ACTL8: variants seen among roughly 807,000 people sequenced by gnomAD.
ACTL8 encodes actin-like protein 8.
In ACTL8, 3 loss-of-function variants were observed where a neutral mutation model predicts 9.3. The observed-to-expected ratio is 0.32, with a 90% CI of 0.15 to 0.83. The LOEUF (loss-of-function observed/expected upper bound fraction) is 0.83, where lower values mean the gene tolerates loss of function less well. ACTL8 is among the 40% of genes least tolerant of loss of function. The probability of loss-of-function intolerance (pLI) is 0.57; values close to 1 mark genes in which losing one functional copy is unlikely to be tolerated. For synonymous variants in ACTL8, 224 were observed against 205.9 expected (o/e 1.09, Z -0.75); for missense variants, 381 against 492.2 (o/e 0.77, Z 2.14).
chr1:17,805,734 A>G lies in ACTL8; in HGVS notation c.-24-17251A>G, dbSNP rs76521550. Among the ~76,000 whole-genome samples the G allele has an allele frequency of 8.9e-3, 1,353 of 152,240 alleles. 17 individuals carry two copies. The highest frequency in any genetic ancestry group is 0.028 in the African/African-American group (1,154 of 41,530). On this transcript the variant is annotated intron_variant, in intron 1 of 2. Transcript: ENST00000375406. ...ACATGCATACACACCCTCCACTCCA[A>G]TGTCAGCTTCCTTAGGGCAGCCACT...
intron 1 of ACTL8, among the ~76,000 whole-genome samples, chr1:17,820,497 G>A (rs1023891194): frequency 9.2e-5 from 14 of 151,876 alleles, no homozygotes; most frequent in African/African-American, 3.4e-4. Flanking sequence ...TTGTGTGAAC[G>A]TACGTTTTCA....
intron 1 of ACTL8, among the ~76,000 whole-genome samples, chr1:17,786,661 C>G (rs77625704): frequency 0.056 from 8,466 of 152,190 alleles, 653 homozygotes; most frequent in Admixed American, 0.2. Context: ...ACCTTCTTTA[C>G]GTACATATGC....
intron 1 of ACTL8, among the ~76,000 whole-genome samples, chr1:17,798,916 A>G (rs2066298322): frequency 6.6e-6 from 1 of 152,178 alleles, no homozygotes; most frequent in African/African-American, 2.4e-5. Flanking sequence ...CTTGTTTTAC[A>G]TCTTTACCAT....
intron 1 of ACTL8, among the ~76,000 whole-genome samples, chr1:17,765,624 T>G (rs1166035317): frequency 6.6e-6 from 1 of 152,148 alleles, no homozygotes; most frequent in Admixed American, 6.5e-5. Flanking sequence ...GAGCCCTGGC[T>G]CCATTCCACA....
chr1:17,817,506 T>A (rs1424994721), intron 1 of ACTL8, among the ~76,000 whole-genome samples: 1 of 152,126 alleles, frequency 6.6e-6, no homozygotes, highest in Non-Finnish European at 1.5e-5. Context: ...CTTGAAATAC[T>A]TTCTCTGCTC....
Position 17,826,418 on chromosome 1 carries a change from A to AC in ACTL8, c.1000_1001insC (p.Asn334ThrfsTer3), listed in dbSNP as rs745718612. 2 of 1,613,884 alleles carry AC rather than the reference A, an allele frequency of 1.2e-6. No individual in the cohort carries two copies. Among genetic ancestry groups the AC allele is most frequent in the African/African-American group, 2.7e-5 (2 of 74,884 alleles). Reference sequence around the variant, plus strand: ...CACAGTCTGGGAGGGTTCCAATAGAAACTTTAGTGTCTGGCTAGGAGCGTC... The same window carrying AC: ...CACAGTCTGGGAGGGTTCCAATAGAACACTTTAGTGTCTGGCTAGGAGCGTC... On this transcript the variant is annotated frameshift_variant, in exon 3 of 3. Transcript: ENST00000375406. LOFTEE classifies it low-confidence loss of function (END_TRUNC). This position sits in a 1 kb window ranked among gnomAD's most constrained non-coding sequence, Gnocchi z 4.5.
At chr1:17,787,661 T>A (rs1398543184) in intron 1 of ACTL8, among the ~76,000 whole-genome samples, 1 of 145,666 alleles carries the variant, frequency 6.9e-6, no homozygotes, top group Non-Finnish European at 1.5e-5. Flanking sequence ...GGTATTTGTT[T>A]CATTTCTCAT....
intron 1 of ACTL8, among the ~76,000 whole-genome samples, chr1:17,775,531 C>T (rs568811502): frequency 6.6e-6 from 1 of 152,294 alleles, no homozygotes; most frequent in Non-Finnish European, 1.5e-5. Context: ...CAGGCAGACC[C>T]AGAGGTGACA....
At chr1:17,816,644 C>G (rs2066428110) in intron 1 of ACTL8, among the ~76,000 whole-genome samples, 1 of 152,154 alleles carries the variant, frequency 6.6e-6, no homozygotes, top group African/African-American at 2.4e-5. Flanking sequence ...GCCTGCAACT[C>G]CGTCTTGTCC....
intron 1 of ACTL8, among the ~76,000 whole-genome samples, chr1:17,786,033 G>C (rs1362891469): frequency 5.3e-5 from 8 of 152,186 alleles, no homozygotes; most frequent in African/African-American, 1.9e-4. Context: ...GCCTATTTCT[G>C]GCTCTTGGCT....
intron 2 of ACTL8, among the ~76,000 whole-genome samples, chr1:17,824,327 G>C (rs1192887285): frequency 6.6e-6 from 1 of 152,178 alleles, no homozygotes; most frequent in Admixed American, 6.5e-5. Flanking sequence ...TAGAAAGAGA[G>C]AGGAAAGAAA....
At chr1:17,792,543 G>A (rs1441546384) in intron 1 of ACTL8, among the ~76,000 whole-genome samples, 2 of 152,156 alleles carry the variant, frequency 1.3e-5, no homozygotes, top group African/African-American at 4.8e-5. Context: ...CTGTCTTCGG[G>A]CCTCAGATAA....
intron 1 of ACTL8, among the ~76,000 whole-genome samples, 190 bp from the exon 2 acceptor site, chr1:17,822,795 C>T (rs1375560374): frequency 6.6e-6 from 1 of 152,046 alleles, no homozygotes; most frequent in Non-Finnish European, 1.5e-5. Context: ...TTAAGGGAGC[C>T]TGGTAGGATG....
At chr1:17,807,720 C>T (rs1052266260) in intron 1 of ACTL8, among the ~76,000 whole-genome samples, 5 of 152,094 alleles carry the variant, frequency 3.3e-5, no homozygotes, top group African/African-American at 1.2e-4. Context: ...TGGAAACCGT[C>T]ATTCTCAGCA....
chr1:17,823,460 C>T lies in ACTL8; in HGVS notation c.348+104C>T, dbSNP rs2053682201. On this transcript the variant is annotated intron_variant, in intron 2 of 2. Coordinates refer to ENST00000375406, the MANE Select transcript of ACTL8 (RefSeq NM_030812.3). This position sits in a 1 kb window ranked among gnomAD's most constrained non-coding sequence, Gnocchi z 5.3. ...AATTCTGCTTTTTAAGATAAATTGCCAACCAGGTGTGGTGGCTTATGCCTG... is the reference window on the plus strand; with the variant it reads ...AATTCTGCTTTTTAAGATAAATTGCTAACCAGGTGTGGTGGCTTATGCCTG... 8.6e-7 allele frequency: 1 copy of T among 1,166,434 alleles called. No individual in the cohort carries two copies. The highest frequency in any genetic ancestry group is 1.2e-6 in the Non-Finnish European group (1 of 844,276). The allele number at this position is 1,166,434 out of a possible 1,614,324, so 72.3% of individuals were successfully genotyped here. A position where few individuals can be genotyped will look rare whatever the true frequency, so the allele number is the denominator to read the frequency against.
Position 17,800,583 on chromosome 1 carries a change from CTTTT to C in ACTL8, c.-24-22378_-24-22375del, listed in dbSNP as rs59143238. Among the ~76,000 whole-genome samples the C allele has an allele frequency of 5.0e-3, 345 of 69,080 alleles. 2 individuals carry two copies. The highest frequency in any genetic ancestry group is 0.019 in the African/African-American group (295 of 15,424). 45.3% of individuals were successfully genotyped at this position (69,080 alleles called of 152,430 possible). On this transcript the variant is annotated intron_variant, in intron 1 of 2. Coordinates refer to ENST00000375406, the MANE Select transcript of ACTL8 (RefSeq NM_030812.3). ...CAAACTTCCTTGCCTTGGTGTCAAT[CTTTT>C]TTTTTTTTTTTTTTTTTTTTTTTGA...
At position 17,823,618 on chromosome 1, in the gene ACTL8, C is replaced by T. The variant is rs1474805435; in HGVS notation, c.348+262C>T. On this transcript the variant is annotated intron_variant, in intron 2 of 2. Transcript: ENST00000375406. The surrounding 1 kb of genome is among the most constrained non-coding windows in gnomAD (Gnocchi z 5.3). Reference sequence around the variant, plus strand: ...AATTAGCCAGGTGTGGTCCCAGCTACCTGGGAGGCTGAGGTGGGAGGATCA... The same window carrying T: ...AATTAGCCAGGTGTGGTCCCAGCTATCTGGGAGGCTGAGGTGGGAGGATCA... 1.3e-5 allele frequency among the ~76,000 whole-genome samples: 2 copies of T among 152,054 alleles called. No individual in the cohort carries two copies. The highest frequency in any genetic ancestry group is 2.1e-4 in the South Asian group (1 of 4,820).
chr1:17,802,210 C>A (rs182269403), intron 1 of ACTL8, among the ~76,000 whole-genome samples: 29 of 152,278 alleles, frequency 1.9e-4, no homozygotes, highest in African/African-American at 7.0e-4. Flanking sequence ...CTCCCTGCAC[C>A]TCAGAGCTGT....
At chr1:17,820,002 G>A (rs1447179731) in intron 1 of ACTL8, among the ~76,000 whole-genome samples, 1 of 150,870 alleles carries the variant, frequency 6.6e-6, no homozygotes, top group Non-Finnish European at 1.5e-5. Flanking sequence ...GCGAGATCCT[G>A]TCTCAAAAAA....
Sources: allele counts gnomAD v4.1 joint callset (sites outside exome capture counted in the v4.1 genomes callset), GRCh38; gene constraint gnomAD v4.1.1; non-coding constraint Gnocchi (gnomAD v3.1); transcripts MANE v1.5; gene names NCBI Gene and HGNC (gene_info 2026-07-23, HGNC 2026-07-21).